DSCAM: variants seen among roughly 807,000 people sequenced by gnomAD.
DSCAM encodes the protein cell adhesion molecule DSCAM.
A neutral mutation model predicts 217.7 loss-of-function variants in DSCAM; 47 were observed. The observed-to-expected ratio is 0.22, with a 90% CI of 0.17 to 0.28. DSCAM has a LOEUF of 0.28. Ranked by LOEUF, DSCAM falls within the 10% of genes least tolerant of loss-of-function variation. The pLI is 1.00. For synonymous variants in DSCAM, 1,056 were observed against 1,015.3 expected (o/e 1.04, Z -0.76); for missense variants, 2,080 against 2,618.3 (o/e 0.79, Z 4.49).
chr21:40,727,269 T>C (rs1294586021), intron 1 of DSCAM, among the ~76,000 whole-genome samples: 1 of 152,162 alleles, frequency 6.6e-6, no homozygotes, highest in African/African-American at 2.4e-5. Flanking sequence ...TAAATTATTG[T>C]CCTAATTTCC....
At chr21:40,251,844 CT>C (rs1369239999) in intron 11 of DSCAM, among the ~76,000 whole-genome samples, 2 of 152,144 alleles carry the variant, frequency 1.3e-5, no homozygotes, top group Non-Finnish European at 2.9e-5. Context: ...TGCATGTTTT[CT>C]TTTCTTTCTT....
chr21:40,303,592 G>T (rs2074039668), intron 9 of DSCAM, among the ~76,000 whole-genome samples: 1 of 152,108 alleles, frequency 6.6e-6, no homozygotes, highest in Non-Finnish European at 1.5e-5. Flanking sequence ...AATGGGCAGA[G>T]ACTTGGTGTC....
chr21:40,575,699 TAATA>T (rs1398242669), intron 3 of DSCAM, among the ~76,000 whole-genome samples: 1 of 152,062 alleles, frequency 6.6e-6, no homozygotes, highest in African/African-American at 2.4e-5. Flanking sequence ...AAGGCATCAC[TAATA>T]AATAGGTAGG....
At chr21:40,716,333 A>G (rs2090842389) in intron 1 of DSCAM, among the ~76,000 whole-genome samples, 1 of 152,174 alleles carries the variant, frequency 6.6e-6, no homozygotes, top group African/African-American at 2.4e-5. Context: ...TTAATACAGT[A>G]ACATTTGCTT....
intron 1 of DSCAM, among the ~76,000 whole-genome samples, chr21:40,739,472 G>T (rs573504088): frequency 6.6e-4 from 101 of 152,300 alleles, no homozygotes; most frequent in Middle Eastern, 3.4e-3. Flanking sequence ...CAAGTTGTCT[G>T]CAGGATTGGC....
chr21:40,520,362 T>G (rs554156694), intron 3 of DSCAM, among the ~76,000 whole-genome samples: 1 of 152,316 alleles, frequency 6.6e-6, no homozygotes, highest in East Asian at 1.9e-4. Context: ...TTCAATGCAA[T>G]GCTATTATCT....
chr21:40,179,074 T>C lies in DSCAM; in HGVS notation c.2800A>G (p.Arg934Gly). The C allele has an allele frequency of 6.2e-7, 1 of 1,613,196 alleles. No homozygotes were observed. The highest frequency in any genetic ancestry group is 1.1e-5 in the South Asian group (1 of 91,044). The change falls in exon 15 of 33, where the codon AGA becomes GGA. Residue 934 changes from arginine (R) to glycine (G), a missense_variant. This residue lies in a region of DSCAM where 1,144 missense variants were observed against 1,421.1 expected (regional missense o/e 0.81). Coordinates refer to ENST00000400454, the MANE Select transcript of DSCAM (RefSeq NM_001389.5). ...AGCTGAGGGGAAACATCTTTGGTTCTCTGAGCAGAATCCCAGGAGTCTTTT... is the reference window on the plus strand; with the variant it reads ...AGCTGAGGGGAAACATCTTTGGTTCCCTGAGCAGAATCCCAGGAGTCTTTT... ...NKSDSWDSAQ[R>G]TKDVSPQLNS...
chr21:40,390,367 A>T (rs565056464), intron 3 of DSCAM, among the ~76,000 whole-genome samples: 1 of 152,290 alleles, frequency 6.6e-6, no homozygotes. Context: ...CCCTTTAAAA[A>T]CTGACAGGTA....
Position 40,348,041 on chromosome 21 carries a change from C to T in DSCAM, c.935-96G>A, listed in dbSNP as rs73355336. 174 of 1,330,364 alleles carry T rather than the reference C, an allele frequency of 1.3e-4. 1 individual carries two copies. The highest frequency in any genetic ancestry group is 5.2e-4 in the Middle Eastern group (2 of 3,840). 82.4% of individuals were successfully genotyped at this position (1,330,364 alleles called of 1,614,324 possible). A position where few individuals can be genotyped will look rare whatever the true frequency, so the allele number is the denominator to read the frequency against. ...GACTTTCAACAAAGCAAGTGCATCACGCAATCATACTCCACACAGTTCCCA... is the reference window on the plus strand; with the variant it reads ...GACTTTCAACAAAGCAAGTGCATCATGCAATCATACTCCACACAGTTCCCA... On this transcript the variant is annotated intron_variant, in intron 5 of 32. Coordinates refer to ENST00000400454, the MANE Select transcript of DSCAM (RefSeq NM_001389.5).
chr21:40,042,138 C>A (rs1228042484), intron 32 of DSCAM, among the ~76,000 whole-genome samples: 1 of 152,146 alleles, frequency 6.6e-6, no homozygotes, highest in African/African-American at 2.4e-5. Context: ...CCAGGAGAGC[C>A]TCTGCAGCAT....
At position 40,155,495 on chromosome 21, in the gene DSCAM, CAAG is replaced by C. The variant is rs2090466536; in HGVS notation, c.3019-10767_3019-10765del. On this transcript the variant is annotated intron_variant, in intron 16 of 32. Coordinates refer to ENST00000400454, the MANE Select transcript of DSCAM (RefSeq NM_001389.5). ...GGAGGCCCTGTAACGGCAGTGTGGC[CAAG>C]GAGGGCAGGGCAGGGGCCCGAGAAA... 2.6e-5 allele frequency among the ~76,000 whole-genome samples: 4 copies of C among 152,216 alleles called. No homozygotes were observed. The South Asian group carries it at 8.3e-4, about 32-fold the overall frequency.
At chr21:40,324,455 C>T (rs964907285) in intron 8 of DSCAM, among the ~76,000 whole-genome samples, 3 of 152,098 alleles carry the variant, frequency 2.0e-5, no homozygotes, top group Non-Finnish European at 4.4e-5. Context: ...ATATTGTCAA[C>T]CAGATGCCTA....
chr21:40,233,526 C>T (rs2091400242), intron 11 of DSCAM, among the ~76,000 whole-genome samples: 1 of 152,112 alleles, frequency 6.6e-6, no homozygotes, highest in Admixed American at 6.5e-5. Context: ...TAATATTGCA[C>T]AAGTGGAAAC....
At chr21:40,700,720 A>ATTCT (rs1285360157) in intron 2 of DSCAM, among the ~76,000 whole-genome samples, 1 of 148,362 alleles carries the variant, frequency 6.7e-6, no homozygotes, top group Non-Finnish European at 1.5e-5. Context: ...TATAATTTTT[A>ATTCT]TTCTTTCTTT....
intron 9 of DSCAM, among the ~76,000 whole-genome samples, chr21:40,306,104 C>T (rs796808959): frequency 6.6e-6 from 1 of 151,702 alleles, no homozygotes; most frequent in African/African-American, 2.4e-5. Flanking sequence ...TGTTTGTATC[C>T]TCTTTTATTT....
At chr21:40,320,330 A>G (rs2074245882) in intron 8 of DSCAM, among the ~76,000 whole-genome samples, 2 of 152,314 alleles carry the variant, frequency 1.3e-5, no homozygotes, top group Middle Eastern at 3.4e-3. Flanking sequence ...TTCATAATGC[A>G]TATTGTTTTT....
intron 26 of DSCAM, among the ~76,000 whole-genome samples, chr21:40,077,039 G>A (rs923718529): frequency 3.9e-5 from 6 of 152,122 alleles, no homozygotes; most frequent in Admixed American, 2.0e-4. Context: ...TTTGTGATGG[G>A]GACACCTTTG....
At chr21:40,676,024 A>T in intron 3 of DSCAM, among the ~76,000 whole-genome samples, 1 of 152,234 alleles carries the variant, frequency 6.6e-6, no homozygotes, top group Non-Finnish European at 1.5e-5. Context: ...ACCACCAAAA[A>T]GGTGTAAAAT....
intron 3 of DSCAM, among the ~76,000 whole-genome samples, chr21:40,663,607 A>G (rs1405103198): frequency 6.6e-6 from 1 of 152,124 alleles, no homozygotes; most frequent in African/African-American, 2.4e-5. Flanking sequence ...TCGTTCACAG[A>G]TAGGCATGTG....
Sources: allele counts gnomAD v4.1 joint callset (sites outside exome capture counted in the v4.1 genomes callset), GRCh38; gene constraint gnomAD v4.1.1; regional missense constraint gnomAD v4.1.1; transcripts MANE v1.5; gene names NCBI Gene and HGNC (gene_info 2026-07-23, HGNC 2026-07-21).